UGDH: variants seen among roughly 807,000 people sequenced by gnomAD.
UGDH encodes UDP-Glc dehydrogenase.
UGDH carries 38 observed loss-of-function variants against 50.6 expected under a neutral mutation model. The observed-to-expected ratio is 0.75, with a 90% CI of 0.58 to 0.98. UGDH has a LOEUF of 0.98. Ranked by LOEUF, UGDH falls within the 50% of genes least tolerant of loss-of-function variation. UGDH has a pLI of 0.00. For missense variants in UGDH, 465 were observed against 606.2 expected, an observed-to-expected ratio of 0.77 and a Z score of 2.45; for synonymous variants, 168 against 199.9, an observed-to-expected ratio of 0.84 and a Z score of 1.35.
Position 39,505,318 on chromosome 4 carries a change from G to T in UGDH, c.1090C>A (p.Leu364Ile). The T allele has an allele frequency of 6.3e-7, 1 of 1,592,428 alleles. No individual in the cohort carries two copies. Among genetic ancestry groups the T allele is most frequent in the Non-Finnish European group, 8.5e-7 (1 of 1,170,424 alleles). ...SKYLMDEGAH[L>I]HIYDPKVPRE... The stretch of plus-strand genomic sequence containing the variant: ...GGTACTTTTGGATCATATATATGTA[G>T]ATGTGCACCTTCATCCATCAAATAT... Residue 364 changes from leucine (L) to isoleucine (I), a missense_variant, in exon 9 of 12, where the codon CTA (leucine) becomes ATA (isoleucine). By Grantham distance (5) the Leu-to-Ile change is conservative (BLOSUM62 2). Coordinates refer to ENST00000316423, the MANE Select transcript of UGDH (RefSeq NM_003359.4).
At chr4:39,507,363 A>C (rs1746067848) in intron 7 of UGDH, among the ~76,000 whole-genome samples, 1 of 152,238 alleles carries the variant, frequency 6.6e-6, no homozygotes, top group Non-Finnish European at 1.5e-5. Flanking sequence ...CAGCAGATAC[A>C]AAACCACTTG....
At chr4:39,513,544 T>C (rs2109933502) in intron 3 of UGDH, among the ~76,000 whole-genome samples, 1 of 144,936 alleles carries the variant, frequency 6.9e-6, no homozygotes, top group African/African-American at 2.6e-5. Flanking sequence ...TTTTTTTTTT[T>C]TTTTTTTTTT....
intron 1 of UGDH, among the ~76,000 whole-genome samples, chr4:39,523,174 G>A (rs1746736590): frequency 6.6e-6 from 1 of 151,722 alleles, no homozygotes; most frequent in Non-Finnish European, 1.5e-5. Flanking sequence ...GCCTCAGCCC[G>A]CCAAGTAGCT....
intron 1 of UGDH, among the ~76,000 whole-genome samples, chr4:39,522,096 C>A (rs1746685940): frequency 6.6e-6 from 1 of 152,174 alleles, no homozygotes. Context: ...CAACTTTAAT[C>A]AGAAACCATA....
At chr4:39,506,832 G>T (rs1560687421) in intron 7 of UGDH, among the ~76,000 whole-genome samples, 1 of 152,096 alleles carries the variant, frequency 6.6e-6, no homozygotes, top group Non-Finnish European at 1.5e-5. Flanking sequence ...GGATTGACTG[G>T]AATGACACTA....
At chr4:39,502,921 T>A (rs1253743330) in intron 11 of UGDH, among the ~76,000 whole-genome samples, 1 of 150,810 alleles carries the variant, frequency 6.6e-6, no homozygotes. Flanking sequence ...TAATTTTTAT[T>A]ATTTTTTTTT....
intron 11 of UGDH, among the ~76,000 whole-genome samples, chr4:39,502,757 T>A (rs1245975060): frequency 3.9e-5 from 6 of 152,174 alleles, no homozygotes; most frequent in Non-Finnish European, 8.8e-5. Context: ...AACTGTTTTT[T>A]GTTTTTTGAG....
chr4:39,513,529 T>C (rs914925203), intron 3 of UGDH, among the ~76,000 whole-genome samples: 13 of 136,446 alleles, frequency 9.5e-5, no homozygotes, highest in Admixed American at 4.0e-4. Flanking sequence ...CATTTCCTAG[T>C]TCTTTTTTTT....
At chr4:39,505,492 A>T in intron 8 of UGDH, 122 bp from the exon 9 acceptor site, 1 of 1,109,040 alleles carries the variant, frequency 9.0e-7, no homozygotes, top group Non-Finnish European at 1.2e-6. Flanking sequence ...AGATATGGAT[A>T]TTTATTTTTA....
chr4:39,503,557 T>C (rs1000809898), intron 11 of UGDH, among the ~76,000 whole-genome samples: 3 of 152,160 alleles, frequency 2.0e-5, no homozygotes, highest in Admixed American at 1.3e-4. Context: ...AAAAATCCCA[T>C]AGGGACTTCC....
At chr4:39,514,041 CA>C (rs1560265450) in intron 3 of UGDH, 41 bp downstream of exon 3, 1 of 1,467,844 alleles carries the variant, frequency 6.8e-7, no homozygotes, top group Non-Finnish European at 9.4e-7. Flanking sequence ...TTTATATAGA[CA>C]AGAATACATT....
intron 2 of UGDH, 27 bp from the exon 3 acceptor site, chr4:39,514,211 T>C: frequency 6.6e-7 from 1 of 1,518,786 alleles, no homozygotes; most frequent in Non-Finnish European, 8.9e-7. Context: ...AAAGGAATTG[T>C]ACATATAGCT....
At chr4:39,514,379 T>C (rs574595632) in intron 2 of UGDH, among the ~76,000 whole-genome samples, 195 bp from the exon 3 acceptor site, 1 of 152,296 alleles carries the variant, frequency 6.6e-6, no homozygotes, top group African/African-American at 2.4e-5. Context: ...ATTTTTTAAA[T>C]AGGGACAGGG....
chr4:39,522,809 A>T (rs1165950941), intron 1 of UGDH, among the ~76,000 whole-genome samples: 1 of 148,664 alleles, frequency 6.7e-6, no homozygotes. Flanking sequence ...CTCTGTCGCC[A>T]GGCTAGAGTA....
intron 1 of UGDH, among the ~76,000 whole-genome samples, chr4:39,522,894 C>T (rs990828759): frequency 6.6e-6 from 1 of 151,740 alleles, no homozygotes. Context: ...TAACGAGTAG[C>T]TGGGACTACA....
chr4:39,514,292 A>T, intron 2 of UGDH, 108 bp from the exon 3 acceptor site: 1 of 931,612 alleles, frequency 1.1e-6, no homozygotes. Flanking sequence ...ATTGTAATTT[A>T]AAGGTCTAGG....
rs148161041 is a variant in UGDH at position 39,503,970 on chromosome 4, G to A, written c.1279C>T (p.Arg427Cys). ...WDMFKELDYE[R>C]IHKKMLKPAF... ...GGCTTTAGCATTTTTTTATGAATGC[G>A]TTCATAATCCAATTCCTGTAAAGAC... The change falls in exon 11 of 12, where the codon CGC becomes TGC. Residue 427 changes from arginine (R) to cysteine (C), a missense_variant. Physicochemically the swap from Arg to Cys is radical, Grantham distance 180. Transcript: ENST00000316423. The A allele has an allele frequency of 5.1e-5, 82 of 1,613,492 alleles. No individual in the cohort carries two copies. The highest frequency in any genetic ancestry group is 6.3e-5 in the Non-Finnish European group (74 of 1,179,608).
chr4:39,510,288 A>T (rs562944051), intron 5 of UGDH, 65 bp downstream of exon 5: 4 of 1,523,080 alleles, frequency 2.6e-6, no homozygotes, highest in Non-Finnish European at 3.6e-6. Context: ...TGTGTAGTTT[A>T]TCAGGCTTGA....
chr4:39,520,877 C>A, intron 2 of UGDH, among the ~76,000 whole-genome samples: 1 of 151,664 alleles, frequency 6.6e-6, no homozygotes. Flanking sequence ...AGCTCAAGAC[C>A]AGCCTGGCCA....
Sources: gnomAD v4.1 joint callset for allele counts (sites outside exome capture counted in the v4.1 genomes callset) on GRCh38, gnomAD v4.1.1 for gene constraint, MANE v1.5 for transcripts, NCBI Gene and HGNC (gene_info 2026-07-23, HGNC 2026-07-21) for gene names.